SPOCK1: variants seen among roughly 807,000 people sequenced by gnomAD.
The protein encoded by SPOCK1 is SPARC (osteonectin), cwcv and kazal like domains proteoglycan 1.
Under a neutral mutation model 55.3 loss-of-function variants are expected in SPOCK1, and 23 were observed. That is an observed-to-expected ratio of 0.42 (90% CI 0.30 to 0.59). The LOEUF (loss-of-function observed/expected upper bound fraction) is 0.59, where lower values mean the gene tolerates loss of function less well. SPOCK1 is among the 20% of genes least tolerant of loss of function. The pLI, the probability that SPOCK1 is intolerant of heterozygous loss-of-function variation, is 0.22. For synonymous variants in SPOCK1, 226 were observed against 221.0 expected (o/e 1.02, Z -0.20); for missense variants, 499 against 552.5 (o/e 0.90, Z 0.97).
At chr5:137,486,780 G>A (rs761908862) in intron 2 of SPOCK1, among the ~76,000 whole-genome samples, 1 of 152,186 alleles carries the variant, frequency 6.6e-6, no homozygotes, top group Admixed American at 6.5e-5. Flanking sequence ...TCTAACAACA[G>A]TAAACACAGT....
intron 2 of SPOCK1, among the ~76,000 whole-genome samples, chr5:137,478,727 T>A (rs1753887312): frequency 6.6e-6 from 1 of 152,124 alleles, no homozygotes; most frequent in Non-Finnish European, 1.5e-5. Flanking sequence ...GAGTTAGGTC[T>A]CTTATACCAG....
At chr5:137,017,238 TAC>T (rs913624503) in intron 6 of SPOCK1, among the ~76,000 whole-genome samples, 16 of 152,348 alleles carry the variant, frequency 1.1e-4, no homozygotes, top group African/African-American at 3.6e-4. Flanking sequence ...CTTTGGCAAC[TAC>T]AGACAGCATT....
intron 2 of SPOCK1, among the ~76,000 whole-genome samples, chr5:137,359,824 C>T (rs1219181371): frequency 4.6e-5 from 7 of 152,136 alleles, no homozygotes; most frequent in Admixed American, 4.6e-4. Flanking sequence ...CATAATATAG[C>T]GTGGAGCTTT....
At chr5:137,402,757 GA>G in intron 2 of SPOCK1, among the ~76,000 whole-genome samples, 2 of 152,274 alleles carry the variant, frequency 1.3e-5, no homozygotes, top group Non-Finnish European at 2.9e-5. Flanking sequence ...AATGAAATCT[GA>G]AAATAAGAAA....
At chr5:137,137,097 C>G (rs1490978248) in intron 4 of SPOCK1, among the ~76,000 whole-genome samples, 1 of 152,198 alleles carries the variant, frequency 6.6e-6, no homozygotes, top group Non-Finnish European at 1.5e-5. Context: ...TAATGAAATT[C>G]TCTCACTGAC....
intron 4 of SPOCK1, among the ~76,000 whole-genome samples, chr5:137,114,325 G>A (rs1753534112): frequency 6.6e-6 from 1 of 152,180 alleles, no homozygotes; most frequent in East Asian, 1.9e-4. Flanking sequence ...GATTTCAGAT[G>A]GCATGCACAC....
At chr5:137,349,442 G>A (rs1750629329) in intron 2 of SPOCK1, among the ~76,000 whole-genome samples, 1 of 152,226 alleles carries the variant, frequency 6.6e-6, no homozygotes, top group Non-Finnish European at 1.5e-5. Context: ...GGAATGACTT[G>A]CTGAGACCAG....
intron 6 of SPOCK1, among the ~76,000 whole-genome samples, chr5:137,032,968 C>T (rs1264736788): frequency 6.6e-6 from 1 of 152,208 alleles, no homozygotes; most frequent in Non-Finnish European, 1.5e-5. Context: ...TGCACAAGAA[C>T]TCGGCCCTCA....
intron 2 of SPOCK1, among the ~76,000 whole-genome samples, chr5:137,344,086 A>T (rs1580876608): frequency 6.6e-6 from 1 of 152,366 alleles, no homozygotes; most frequent in South Asian, 2.1e-4. Flanking sequence ...CCCTTCCCAC[A>T]ATGGAAAAAC....
chr5:137,498,927 G>A (rs1754374052), intron 1 of SPOCK1, among the ~76,000 whole-genome samples: 2 of 152,038 alleles, frequency 1.3e-5, no homozygotes, highest in Non-Finnish European at 2.9e-5. Flanking sequence ...GGTGCACACG[G>A]CTTTGGGGCA....
At chr5:137,258,136 T>C (rs375484704) in intron 3 of SPOCK1, among the ~76,000 whole-genome samples, 9 of 152,348 alleles carry the variant, frequency 5.9e-5, no homozygotes, top group Non-Finnish European at 1.3e-4. Flanking sequence ...TCAGGAGTTT[T>C]ACCCCTCATG....
chr5:137,150,622 T>C (rs771177695), intron 3 of SPOCK1, among the ~76,000 whole-genome samples: 1 of 151,090 alleles, frequency 6.6e-6, no homozygotes. Flanking sequence ...AGACAAGGAG[T>C]CCAGGGAATT....
At chr5:137,370,701 T>C (rs1751181070) in intron 2 of SPOCK1, among the ~76,000 whole-genome samples, 1 of 152,250 alleles carries the variant, frequency 6.6e-6, no homozygotes, top group Non-Finnish European at 1.5e-5. Context: ...AGAAGATCCT[T>C]TTCTGACACA....
Position 137,485,912 on chromosome 5 carries a change from C to T in SPOCK1, c.186+12461G>A, listed in dbSNP as rs186858589. 2.2e-3 allele frequency among the ~76,000 whole-genome samples: 336 copies of T among 152,334 alleles called. 1 individual carries two copies. The highest frequency in any genetic ancestry group is 3.4e-3 in the Middle Eastern group (1 of 294). ...TGCTGGTAATATTCTATCTCCTGAT[C>T]TGGCTGTTTGGGTGTGTTCACTTTG... On this transcript the variant is annotated intron_variant, in intron 2 of 10. Coordinates refer to ENST00000394945, the MANE Select transcript of SPOCK1 (RefSeq NM_004598.4).
At chr5:137,226,668 A>G (rs890964159) in intron 3 of SPOCK1, among the ~76,000 whole-genome samples, 3 of 152,146 alleles carry the variant, frequency 2.0e-5, no homozygotes, top group African/African-American at 7.2e-5. Flanking sequence ...GGGAACCCCT[A>G]CCCGTAGGCT....
chr5:137,396,446 G>A (rs1360014975), intron 2 of SPOCK1, among the ~76,000 whole-genome samples: 1 of 152,216 alleles, frequency 6.6e-6, no homozygotes, highest in Non-Finnish European at 1.5e-5. Context: ...GGGTAAAGAG[G>A]AATTGATTTT....
chr5:137,079,693 T>C (rs1359265070), intron 5 of SPOCK1, among the ~76,000 whole-genome samples: 6 of 152,114 alleles, frequency 3.9e-5, no homozygotes, highest in Non-Finnish European at 7.3e-5. Flanking sequence ...TTCAACAACA[T>C]GCAACAATTC....
At chr5:137,175,739 T>G (rs1387114339) in intron 3 of SPOCK1, among the ~76,000 whole-genome samples, 2 of 152,174 alleles carry the variant, frequency 1.3e-5, no homozygotes, top group African/African-American at 4.8e-5. Context: ...GTAAAGTGTT[T>G]TGCAGAGCAC....
intron 6 of SPOCK1, among the ~76,000 whole-genome samples, chr5:137,066,187 G>C (rs1200201705): frequency 1.3e-5 from 2 of 152,130 alleles, no homozygotes; most frequent in Admixed American, 6.5e-5. Context: ...TGCTCAGGTT[G>C]AAGTACAGTG....
Sources: allele counts gnomAD v4.1 joint callset (sites outside exome capture counted in the v4.1 genomes callset), GRCh38; gene constraint gnomAD v4.1.1; transcripts MANE v1.5; gene names NCBI Gene and HGNC (gene_info 2026-07-23, HGNC 2026-07-21).